ZC3H12B: variants seen among roughly 807,000 people sequenced by gnomAD.
ZC3H12B encodes the protein zinc finger CCCH-type containing 12B, also known as probable ribonuclease ZC3H12B.
A neutral mutation model predicts 43.9 loss-of-function variants in ZC3H12B; 7 were observed. The ratio of observed to expected loss-of-function variants is 0.16; its 90% CI spans 0.09 to 0.30. ZC3H12B has a LOEUF of 0.30. Ranked by LOEUF, ZC3H12B falls within the 10% of genes least tolerant of loss-of-function variation. The pLI, the probability that ZC3H12B is intolerant of heterozygous loss-of-function variation, is 1.00. For missense variants in ZC3H12B, 475 were observed against 670.2 expected, an observed-to-expected ratio of 0.71 and a Z score of 3.22; for synonymous variants, 222 against 241.7, an observed-to-expected ratio of 0.92 and a Z score of 0.76.
the ZC3H12B span, among the ~76,000 whole-genome samples, chrX:65,079,820 G>T: frequency 1.8e-5 from 2 of 110,843 alleles, no homozygotes; most frequent in African/African-American, 6.6e-5. Context: ...AGACACCAAA[G>T]AACATATACT....
intron 1 of ZC3H12B, 140 bp downstream of exon 6, chrX:65,489,549 T>A: frequency 2.5e-6 from 2 of 790,340 alleles, no homozygotes; most frequent in Non-Finnish European, 3.5e-6. Context: ...GAGACTAAAA[T>A]GATCCTGCCC....
At chrX:65,471,759 T>G (rs2067917550) in intron 3 of ZC3H12B, among the ~76,000 whole-genome samples, 1 of 111,286 alleles carries the variant, frequency 9.0e-6, no homozygotes, top group Admixed American at 9.6e-5. Flanking sequence ...CTGGTTTGTG[T>G]TTTTTAATAC....
the ZC3H12B span, among the ~76,000 whole-genome samples, chrX:65,162,646 G>C: frequency 9.0e-6 from 1 of 111,392 alleles, no homozygotes; most frequent in Non-Finnish European, 1.9e-5. Flanking sequence ...CTCTGTATTG[G>C]TTATTCTAGT....
the ZC3H12B span, among the ~76,000 whole-genome samples, chrX:65,180,000 T>C: frequency 8.9e-6 from 1 of 111,861 alleles, no homozygotes; most frequent in African/African-American, 3.2e-5. Flanking sequence ...CCTAACTTAT[T>C]TTATGAGGCC....
At chrX:65,081,844 C>T in the ZC3H12B span, among the ~76,000 whole-genome samples, 6 of 111,778 alleles carry the variant, frequency 5.4e-5, no homozygotes, top group African/African-American at 1.9e-4. Context: ...TTTTTCTCAG[C>T]ACATAGATCA....
chrX:65,108,905 A>G, the ZC3H12B span, among the ~76,000 whole-genome samples: 1 of 111,413 alleles, frequency 9.0e-6, no homozygotes, highest in Non-Finnish European at 1.9e-5. Flanking sequence ...CAGCTCTATC[A>G]TAATTTTATG....
the ZC3H12B span, among the ~76,000 whole-genome samples, chrX:65,052,805 AATTGCT>A: frequency 9.0e-6 from 1 of 111,702 alleles, no homozygotes; most frequent in African/African-American, 3.3e-5. Context: ...TCAACAATAG[AATTGCT>A]GTTGTATTCA....
chrX:65,401,179 G>C (rs751830155), intron 3 of ZC3H12B, among the ~76,000 whole-genome samples: 2 of 111,033 alleles, frequency 1.8e-5, no homozygotes, highest in South Asian at 7.7e-4. Context: ...GCACTGAAGA[G>C]ATAGAAAAAA....
the ZC3H12B span, among the ~76,000 whole-genome samples, chrX:65,306,111 A>G: frequency 8.9e-6 from 1 of 112,410 alleles, no homozygotes. Flanking sequence ...ATAAGGAAAG[A>G]AGTAATTTTC....
the ZC3H12B span, among the ~76,000 whole-genome samples, chrX:65,183,230 G>C: frequency 2.7e-5 from 3 of 111,719 alleles, no homozygotes; most frequent in African/African-American, 6.5e-5. Flanking sequence ...ATTTTATGCG[G>C]CCATAAAAAA....
chrX:65,492,777 T>C (rs965230268), intron 1 of ZC3H12B, among the ~76,000 whole-genome samples: 1 of 111,888 alleles, frequency 8.9e-6, no homozygotes, highest in Non-Finnish European at 1.9e-5. Context: ...ATGTCTGTTG[T>C]TTCTCAGCCT....
At chrX:65,241,131 C>T in the ZC3H12B span, among the ~76,000 whole-genome samples, 3 of 112,078 alleles carry the variant, frequency 2.7e-5, no homozygotes, top group Non-Finnish European at 5.6e-5. Flanking sequence ...GCTGGACTCT[C>T]CAGAGCCAGC....
At chrX:65,187,528 A>C in the ZC3H12B span, among the ~76,000 whole-genome samples, 1 of 111,865 alleles carries the variant, frequency 8.9e-6, no homozygotes, top group Admixed American at 9.5e-5. Flanking sequence ...AAAAATATCT[A>C]CCAAATGGAA....
chrX:65,431,834 A>G lies in ZC3H12B; in HGVS notation n.407+33130A>G, dbSNP rs757035636. Among the ~76,000 whole-genome samples, 18 of 112,286 alleles carry G rather than the reference A, an allele frequency of 1.6e-4. No individual in the cohort carries two copies. The South Asian group carries it at 6.7e-3, about 42-fold the overall frequency. ...GTCTGGCCATTTCTCCTTTCAAGCAAAATTAACAACAAAGTACAGTGCTGT... is the reference window on the plus strand; with the variant it reads ...GTCTGGCCATTTCTCCTTTCAAGCAGAATTAACAACAAAGTACAGTGCTGT... On this transcript the variant is annotated intron_variant and non_coding_transcript_variant, in intron 3 of 5. Coordinates refer to the ZC3H12B transcript ENST00000617377.
the ZC3H12B span, among the ~76,000 whole-genome samples, chrX:65,344,381 C>A: frequency 9.0e-6 from 1 of 111,400 alleles, no homozygotes; most frequent in East Asian, 2.8e-4. Context: ...ACACATAGAC[C>A]AATGGAACAG....
At chrX:65,146,334 G>GT in the ZC3H12B span, among the ~76,000 whole-genome samples, 6 of 111,682 alleles carry the variant, frequency 5.4e-5, no homozygotes, top group South Asian at 3.7e-4. Context: ...CTGATATTTT[G>GT]TTTTTTATTT....
chrX:65,109,668 GTCTTT>G, the ZC3H12B span, among the ~76,000 whole-genome samples: 1 of 111,720 alleles, frequency 9.0e-6, no homozygotes, highest in Non-Finnish European at 1.9e-5. Flanking sequence ...TTTTGTACAA[GTCTTT>G]TTGGTGACAC....
At chrX:65,298,824 A>G in the ZC3H12B span, among the ~76,000 whole-genome samples, 1 of 111,910 alleles carries the variant, frequency 8.9e-6, no homozygotes, top group South Asian at 3.7e-4. Context: ...ACCTCAGAAA[A>G]GTTACAATCA....
At chrX:65,235,097 A>T in the ZC3H12B span, among the ~76,000 whole-genome samples, 1 of 111,307 alleles carries the variant, frequency 9.0e-6, no homozygotes, top group Non-Finnish European at 1.9e-5. Flanking sequence ...TCTCTTATTG[A>T]TAGCTATTTG....
Sources: gnomAD v4.1 joint callset for allele counts (sites outside exome capture counted in the v4.1 genomes callset) on GRCh38, gnomAD v4.1.1 for gene constraint, MANE v1.5 for transcripts, NCBI Gene and HGNC (gene_info 2026-07-23, HGNC 2026-07-21) for gene names.